TMEM135: variants seen among roughly 807,000 people sequenced by gnomAD.
TMEM135 encodes transmembrane protein 135.
A neutral mutation model predicts 60.3 loss-of-function variants in TMEM135; 30 were observed. The observed-to-expected ratio is 0.50, with a 90% CI of 0.37 to 0.68. The LOEUF (loss-of-function observed/expected upper bound fraction) is 0.68, where lower values mean the gene tolerates loss of function less well. TMEM135 is among the 30% of genes least tolerant of loss of function. The pLI is 0.00. For missense variants in TMEM135, 468 were observed against 548.8 expected (o/e 0.85, Z 1.47); for synonymous variants, 190 against 186.7 (o/e 1.02, Z -0.14).
intron 5 of TMEM135, among the ~76,000 whole-genome samples, chr11:87,185,324 T>C (rs570473818): frequency 2.0e-5 from 3 of 152,284 alleles, no homozygotes; most frequent in Non-Finnish European, 4.4e-5. Context: ...CTTAAATTTA[T>C]TTGAATTGGT....
Position 87,325,073 on chromosome 11 carries a change from A to G in TMEM135, c.*3740A>G, listed in dbSNP as rs1211075809. On this transcript the variant is annotated 3_prime_UTR_variant, in exon 15 of 15. Coordinates refer to ENST00000305494, the MANE Select transcript of TMEM135 (RefSeq NM_022918.4). ...TGAAGCCACCATTGGTGCCAGCTCT[A>G]TAATTTCTTCTTCTTGTGGAATTAA... The G allele has an allele frequency of 1.1e-5, 5 of 453,924 alleles. No individual in the cohort carries two copies. The highest frequency in any genetic ancestry group is 8.0e-5 in the African/African-American group (4 of 49,962). 28.1% of individuals were successfully genotyped at this position (453,924 alleles called of 1,614,324 possible). A position where few individuals can be genotyped will look rare whatever the true frequency, so the allele number is the denominator to read the frequency against.
rs1940963901 is a variant in TMEM135 at position 87,234,957 on chromosome 11, G to A, written c.463-1681G>A. Among the ~76,000 whole-genome samples the A allele has an allele frequency of 2.6e-5, 4 of 151,936 alleles. No homozygotes were observed. The South Asian group carries it at 8.3e-4, about 31-fold the overall frequency. The stretch of plus-strand genomic sequence containing the variant: ...GAAAGATTTGTGGGATACTTCTAGA[G>A]AGGTTTTTAGTGTGATCTGCAAGGG... On this transcript the variant is annotated intron_variant, in intron 5 of 14. Coordinates refer to ENST00000305494, the MANE Select transcript of TMEM135 (RefSeq NM_022918.4).
intron 4 of TMEM135, among the ~76,000 whole-genome samples, chr11:87,115,158 TTTTA>T (rs1323659929): frequency 6.6e-6 from 1 of 152,166 alleles, no homozygotes; most frequent in African/African-American, 2.4e-5. Flanking sequence ...ATTTGTTTAA[TTTTA>T]TTTAAGAAAT....
Position 87,318,565 on chromosome 11 carries a change from T to A in TMEM135, c.1176+330T>A, listed in dbSNP as rs143150986. On this transcript the variant is annotated intron_variant, in intron 13 of 14. Transcript: ENST00000305494. ...CCTTTGATTAAAAAAAAAAGGATAA[T>A]AGGGATATGCTGATAATAGGCATAA... is the stretch of plus-strand genomic sequence containing the variant. Among the ~76,000 whole-genome samples the A allele has an allele frequency of 2.9e-3, 445 of 151,856 alleles. 3 individuals carry two copies. The highest frequency in any genetic ancestry group is 0.01 in the African/African-American group (427 of 41,444).
At chr11:87,229,249 C>A (rs1940834683) in intron 5 of TMEM135, among the ~76,000 whole-genome samples, 2 of 151,652 alleles carry the variant, frequency 1.3e-5, no homozygotes, top group African/African-American at 2.4e-5. Flanking sequence ...TTCAAAAAAA[C>A]AAAATGGTTT....
intron 7 of TMEM135, among the ~76,000 whole-genome samples, chr11:87,299,395 A>G (rs1018689948): frequency 2.0e-5 from 3 of 152,174 alleles, no homozygotes; most frequent in Non-Finnish European, 4.4e-5. Context: ...CTGAGAACTA[A>G]TTCACTATCA....
chr11:87,130,424 G>A (rs1299862166), intron 4 of TMEM135, among the ~76,000 whole-genome samples: 1 of 152,186 alleles, frequency 6.6e-6, no homozygotes, highest in Non-Finnish European at 1.5e-5. Flanking sequence ...CTCTTTGAAA[G>A]TAATGTTCTA....
intron 5 of TMEM135, among the ~76,000 whole-genome samples, chr11:87,231,471 A>G (rs747469695): frequency 5.3e-5 from 8 of 152,220 alleles, no homozygotes; most frequent in Non-Finnish European, 1.0e-4. Context: ...TCTTGTTAAA[A>G]TATCTTAAAA....
chr11:87,153,303 A>G (rs199870534), intron 4 of TMEM135, among the ~76,000 whole-genome samples: 67 of 152,220 alleles, frequency 4.4e-4, no homozygotes, highest in East Asian at 2.1e-3. Flanking sequence ...TCTTATTTGT[A>G]CTCAAACATG....
chr11:87,189,033 G>T (rs999538233), intron 5 of TMEM135, among the ~76,000 whole-genome samples: 1 of 151,518 alleles, frequency 6.6e-6, no homozygotes, highest in African/African-American at 2.4e-5. Flanking sequence ...AATATTTCAT[G>T]TCTGTAATAA....
chr11:87,111,664 A>G (rs1033958016), intron 4 of TMEM135, among the ~76,000 whole-genome samples: 1 of 143,354 alleles, frequency 7.0e-6, no homozygotes, highest in African/African-American at 2.7e-5. Context: ...AAAAAAAAAA[A>G]AAAAAAAGAA....
At chr11:87,095,926 A>G (rs3100847) in intron 4 of TMEM135, 82,979 of 153,292 alleles carry the variant, frequency 0.54, 23,337 homozygotes, top group East Asian at 0.7. Flanking sequence ...CAGTGAGCCG[A>G]GATCGCGCCA....
At chr11:87,179,843 G>T (rs1939469691) in intron 5 of TMEM135, among the ~76,000 whole-genome samples, 1 of 152,222 alleles carries the variant, frequency 6.6e-6, no homozygotes, top group Admixed American at 6.5e-5. Flanking sequence ...CAGCACAGCT[G>T]TTTGAGGTCT....
intron 5 of TMEM135, among the ~76,000 whole-genome samples, chr11:87,220,207 G>C (rs867985541): frequency 5.9e-5 from 9 of 152,112 alleles, no homozygotes; most frequent in Admixed American, 2.6e-4. Flanking sequence ...TGTATACCAG[G>C]AACCACCTGC....
At chr11:87,059,861 A>T (rs1949929692) in intron 1 of TMEM135, among the ~76,000 whole-genome samples, 1 of 152,234 alleles carries the variant, frequency 6.6e-6, no homozygotes, top group Non-Finnish European at 1.5e-5. Flanking sequence ...CACGCCTGTA[A>T]TTCCAGCACT....
In TMEM135 at chr11:87,267,044, A is replaced by T. The variant is rs116008862; in HGVS notation, c.510-28738A>T. ...GTAGAGTGTTTCCTAGGGTCATAGA[A>T]TTTAAGCTGGATAAGGAGGATAGTG... On this transcript the variant is annotated intron_variant, in intron 6 of 14. Coordinates refer to ENST00000305494, the MANE Select transcript of TMEM135 (RefSeq NM_022918.4). Among the ~76,000 whole-genome samples, 279 of 152,286 alleles carry T rather than the reference A, an allele frequency of 1.8e-3. 1 individual carries two copies. Among genetic ancestry groups the T allele is most frequent in the African/African-American group, 6.3e-3 (262 of 41,576 alleles).
intron 3 of TMEM135, among the ~76,000 whole-genome samples, chr11:87,087,851 C>T (rs538475102): frequency 6.6e-6 from 1 of 152,270 alleles, no homozygotes; most frequent in Admixed American, 6.5e-5. Flanking sequence ...ATTCTCCTGC[C>T]TCAGCCTCCC....
Position 87,316,718 on chromosome 11 carries a change from C to G in TMEM135, c.1078-1419C>G, listed in dbSNP as rs1942737949. Among the ~76,000 whole-genome samples, 4 of 151,780 alleles carry G rather than the reference C, an allele frequency of 2.6e-5. No homozygotes were observed. In the South Asian group the frequency reaches 6.2e-4, roughly 24 times the overall value. On this transcript the variant is annotated intron_variant, in intron 12 of 14. Transcript: ENST00000305494. ...GGTGGCAAAAATATATTCTTTAACA[C>G]AAGAGGAAACCAATATTGAGATCTA... is the stretch of plus-strand genomic sequence containing the variant.
At chr11:87,174,106 A>T (rs1361106263) in intron 5 of TMEM135, among the ~76,000 whole-genome samples, 5 of 152,150 alleles carry the variant, frequency 3.3e-5, no homozygotes, top group Non-Finnish European at 7.4e-5. Flanking sequence ...CTTAGTTTTG[A>T]TAATTGCAAG....
Sources: allele counts gnomAD v4.1 joint callset (sites outside exome capture counted in the v4.1 genomes callset), GRCh38; gene constraint gnomAD v4.1.1; transcripts MANE v1.5; gene names NCBI Gene and HGNC (gene_info 2026-07-23, HGNC 2026-07-21).